Variants in MYBPC1 observed in about 807,000 individuals in gnomAD.
The protein encoded by MYBPC1 is myosin binding protein C1.
MYBPC1 carries 52 observed loss-of-function variants against 147.1 expected under a neutral mutation model. The observed-to-expected ratio is 0.35, with a 90% CI of 0.28 to 0.45. The LOEUF (loss-of-function observed/expected upper bound fraction) is 0.45, where lower values mean the gene tolerates loss of function less well. Ranked by LOEUF, MYBPC1 falls within the 20% of genes least tolerant of loss-of-function variation. MYBPC1 has a pLI of 1.00. For synonymous variants in MYBPC1, 477 were observed against 475.9 expected, an observed-to-expected ratio of 1.00 and a Z score of -0.03; for missense variants, 1,228 against 1,440.3, an observed-to-expected ratio of 0.85 and a Z score of 2.39.
intron 1 of MYBPC1, among the ~76,000 whole-genome samples, chr12:101,603,626 T>C (rs1327276337): frequency 6.6e-6 from 1 of 152,116 alleles, no homozygotes; most frequent in African/African-American, 2.4e-5. Flanking sequence ...AAATTTATCC[T>C]ATAACCCTAT....
chr12:101,684,852 G>T (rs1291697253), intron 31 of MYBPC1, among the ~76,000 whole-genome samples: 1 of 152,166 alleles, frequency 6.6e-6, no homozygotes, highest in Non-Finnish European at 1.5e-5. Context: ...ATGGCATGCT[G>T]CTTTGTCTGG....
chr12:101,618,791 C>T lies in MYBPC1; in HGVS notation c.103+1548C>T, dbSNP rs961716522. 9.2e-5 allele frequency among the ~76,000 whole-genome samples: 14 copies of T among 151,824 alleles called. No individual in the cohort carries two copies. The South Asian group carries it at 1.7e-3, about 18-fold the overall frequency. On this transcript the variant is annotated intron_variant, in intron 3 of 31. Transcript: ENST00000361466. ...TTTGAAATTAGTAGCATTTTTCTGA[C>T]GTTTGCAGAAGATAAGCAAAACCAT...
intron 1 of MYBPC1, among the ~76,000 whole-genome samples, chr12:101,613,609 T>C (rs1885019456): frequency 6.6e-6 from 1 of 152,216 alleles, no homozygotes; most frequent in Non-Finnish European, 1.5e-5. Context: ...GGAAATGCTA[T>C]GCTCTTTGTT....
intron 18 of MYBPC1, among the ~76,000 whole-genome samples, chr12:101,653,886 A>C (rs1276684000): frequency 2.0e-5 from 1 of 49,866 alleles, no homozygotes; most frequent in Non-Finnish European, 6.6e-5. Context: ...AAATAAAAGC[A>C]AAAAAAGAAA....
At chr12:101,680,060 C>G (rs1426263058) in intron 28 of MYBPC1, among the ~76,000 whole-genome samples, 1 of 152,140 alleles carries the variant, frequency 6.6e-6, no homozygotes, top group Non-Finnish European at 1.5e-5. Flanking sequence ...AAAGTTTGCA[C>G]CCATGTAGAT....
At chr12:101,596,662 C>G (rs746828602) in intron 1 of MYBPC1, among the ~76,000 whole-genome samples, 4 of 152,120 alleles carry the variant, frequency 2.6e-5, no homozygotes, top group Non-Finnish European at 5.9e-5. Flanking sequence ...ATCGCAAAGG[C>G]GATGAAGTTT....
At chr12:101,638,617 C>T (rs1382141167) in intron 10 of MYBPC1, among the ~76,000 whole-genome samples, 4 of 152,182 alleles carry the variant, frequency 2.6e-5, no homozygotes, top group African/African-American at 9.6e-5. Flanking sequence ...AACACATACA[C>T]AATCAATCAA....
intron 1 of MYBPC1, among the ~76,000 whole-genome samples, chr12:101,608,700 G>A (rs951997860): frequency 1.3e-5 from 2 of 152,184 alleles, no homozygotes; most frequent in Non-Finnish European, 2.9e-5. Flanking sequence ...TGCCGTTTTG[G>A]GGAGCCCCGA....
chr12:101,596,754 T>C (rs1474532507), intron 1 of MYBPC1, among the ~76,000 whole-genome samples: 1 of 152,110 alleles, frequency 6.6e-6, no homozygotes, highest in Non-Finnish European at 1.5e-5. Flanking sequence ...AATATATCTT[T>C]AACTTCAGCC....
chr12:101,683,259 A>G (rs1951135839), intron 30 of MYBPC1, among the ~76,000 whole-genome samples: 1 of 152,000 alleles, frequency 6.6e-6, no homozygotes, highest in Non-Finnish European at 1.5e-5. Context: ...GCAAACTCCC[A>G]TCTCTACAAA....
At position 101,667,860 on chromosome 12, in the gene MYBPC1, A is replaced by G. The variant is rs749496922; in HGVS notation, c.2485A>G (p.Lys829Glu). The G allele has an allele frequency of 9.9e-6, 16 of 1,614,062 alleles. No individual in the cohort carries two copies. The highest frequency in any genetic ancestry group is 2.7e-5 in the African/African-American group (2 of 74,952). ...TAATGCAGCTGGTGCCAGCGAGCCC[A>G]AGTACTATTCTCAGCCCATTCTCGT... ...AVNAAGASEP[K>E]YYSQPILVKE... The change falls in exon 23 of 32, where the codon AAG becomes GAG. Residue 829 changes from lysine (K) to glutamate (E), a missense_variant. By Grantham distance (56) the Lys-to-Glu change is moderately conservative. Around this residue, in one of 2 missense-constraint regions of MYBPC1, gnomAD observed 1,077 missense variants for 1,314.2 expected, o/e 0.82. Coordinates refer to ENST00000361466, the MANE Select transcript of MYBPC1 (RefSeq NM_002465.4).
intron 3 of MYBPC1, among the ~76,000 whole-genome samples, chr12:101,618,759 A>G (rs571941649): frequency 1.3e-5 from 2 of 152,106 alleles, no homozygotes; most frequent in Non-Finnish European, 2.9e-5. Flanking sequence ...CTAGATGACT[A>G]GGGCATTTTG....
chr12:101,598,016 CTTTTTTT>C (rs34462251), intron 1 of MYBPC1, among the ~76,000 whole-genome samples: 1 of 122,182 alleles, frequency 8.2e-6, no homozygotes, highest in Non-Finnish European at 1.7e-5. Context: ...AATCACCTTT[CTTTTTTT>C]TTTTTTTTTT....
intron 28 of MYBPC1, among the ~76,000 whole-genome samples, chr12:101,678,650 G>A (rs1005429517): frequency 2.6e-5 from 4 of 152,338 alleles, no homozygotes; most frequent in South Asian, 4.1e-4. Context: ...GAATATGAAT[G>A]TGCTTTGATA....
chr12:101,639,383 C>T lies in MYBPC1; in HGVS notation c.665+2655C>T, dbSNP rs570822163. On this transcript the variant is annotated intron_variant, in intron 10 of 31. Coordinates refer to ENST00000361466, the MANE Select transcript of MYBPC1 (RefSeq NM_002465.4). The stretch of plus-strand genomic sequence containing the variant: ...GCCATGCAGACAGGGTCATGTGCAG[C>T]CACCATGGTAAGTAACTAAAGATAT... Among the ~76,000 whole-genome samples the T allele has an allele frequency of 5.3e-5, 8 of 152,258 alleles. No homozygotes were observed. In the South Asian group the frequency reaches 1.4e-3, roughly 28 times the overall value.
intron 9 of MYBPC1, among the ~76,000 whole-genome samples, chr12:101,636,423 A>G (rs1215459879): frequency 6.6e-6 from 1 of 152,218 alleles, no homozygotes; most frequent in Non-Finnish European, 1.5e-5. Context: ...AAGCAGTTTT[A>G]TATATGCAAT....
At chr12:101,658,900 G>A (rs1344027915) in intron 18 of MYBPC1, among the ~76,000 whole-genome samples, 1 of 152,126 alleles carries the variant, frequency 6.6e-6, no homozygotes, top group Admixed American at 6.5e-5. Flanking sequence ...CAAATAACCA[G>A]TTTCTAAATT....
rs200416291 is a variant in MYBPC1 at position 101,632,183 on chromosome 12, G to A, written c.556+45G>A. 10 of 1,296,076 alleles carry A rather than the reference G, an allele frequency of 7.7e-6. No individual in the cohort carries two copies. The South Asian group carries it at 9.4e-5, about 12-fold the overall frequency. The allele number at this position is 1,296,076 out of a possible 1,614,324, so 80.3% of individuals were successfully genotyped here. A position where few individuals can be genotyped will look rare whatever the true frequency, so the allele number is the denominator to read the frequency against. Reference sequence around the variant, plus strand: ...TAGATAAATGTAATTTTTTAATGGGGTGTGAGGGGATGGAGAAGAAGTAGT... The same window carrying A: ...TAGATAAATGTAATTTTTTAATGGGATGTGAGGGGATGGAGAAGAAGTAGT... On this transcript the variant is annotated intron_variant, in intron 8 of 31. Transcript: ENST00000361466.
rs1157517797 is a variant in MYBPC1 at position 101,673,593 on chromosome 12, A to C, written c.2780A>C (p.Glu927Ala). The change falls in exon 25 of 32, where the codon GAG becomes GCG. Residue 927 changes from glutamate to alanine, a missense_variant. Physicochemically the swap from Glu to Ala is moderately radical, Grantham distance 107. Coordinates refer to ENST00000361466, the MANE Select transcript of MYBPC1 (RefSeq NM_002465.4). Reference protein sequence around the residue: ...DLQVKVDKFVETASIDIQIID... With the variant: ...DLQVKVDKFVATASIDIQIID... ...CAAGTCAAAGTGGACAAATTCGTGG[A>C]GACCGCATCAATTGACATCCAGATC... 6.2e-7 allele frequency: 1 copy of C among 1,614,196 alleles called. No homozygotes were observed. Among genetic ancestry groups the C allele is most frequent in the Non-Finnish European group, 8.5e-7 (1 of 1,180,034 alleles).
Sources: allele counts gnomAD v4.1 joint callset (sites outside exome capture counted in the v4.1 genomes callset), GRCh38; gene constraint gnomAD v4.1.1; regional missense constraint gnomAD v4.1.1; transcripts MANE v1.5; gene names NCBI Gene and HGNC (gene_info 2026-07-23, HGNC 2026-07-21).